Variants in RAB10 observed in about 807,000 individuals in gnomAD.
RAB10 encodes the protein ras-related protein Rab-10.
In RAB10, 5 loss-of-function variants were observed where a neutral mutation model predicts 25.7. The observed-to-expected ratio is 0.19, with a 90% CI of 0.10 to 0.41. The LOEUF (loss-of-function observed/expected upper bound fraction) is 0.41, where lower values mean the gene tolerates loss of function less well. RAB10 is among the 10% of genes least tolerant of loss of function. The probability of loss-of-function intolerance (pLI) is 1.00; values close to 1 mark genes in which losing one functional copy is unlikely to be tolerated. For synonymous variants in RAB10, 89 were observed against 86.4 expected, an observed-to-expected ratio of 1.03 and a Z score of -0.16; for missense variants, 103 against 245.8, an observed-to-expected ratio of 0.42 and a Z score of 3.89.
chr2:26,046,244 G>T (rs1666001194), intron 1 of RAB10, among the ~76,000 whole-genome samples: 1 of 151,906 alleles, frequency 6.6e-6, no homozygotes, highest in African/African-American at 2.4e-5. Context: ...AGAATTGCTT[G>T]AATCTAGGAG....
chr2:26,109,962 A>G (rs1667537496), intron 3 of RAB10, 56 bp downstream of exon 3: 5 of 1,423,906 alleles, frequency 3.5e-6, no homozygotes, highest in Non-Finnish European at 4.7e-6. Context: ...GTGCTTGGTT[A>G]GGAAGAATAA....
intron 3 of RAB10, among the ~76,000 whole-genome samples, chr2:26,115,545 G>C (rs1667665608): frequency 6.6e-6 from 1 of 152,126 alleles, no homozygotes; most frequent in South Asian, 2.1e-4. Flanking sequence ...CATAGAGACA[G>C]AAAGTAGATT....
chr2:26,043,321 C>A (rs1307339294), intron 1 of RAB10, among the ~76,000 whole-genome samples: 1 of 152,146 alleles, frequency 6.6e-6, no homozygotes, highest in Non-Finnish European at 1.5e-5. Context: ...GCTTGGGAGG[C>A]TGAGGTGAGA....
intron 1 of RAB10, among the ~76,000 whole-genome samples, chr2:26,089,877 G>A: frequency 6.6e-6 from 1 of 151,824 alleles, no homozygotes; most frequent in Non-Finnish European, 1.5e-5. Context: ...TTTCTTTTTC[G>A]GACAACTTTT....
At chr2:26,050,038 A>G (rs1181367845) in intron 1 of RAB10, among the ~76,000 whole-genome samples, 2 of 152,166 alleles carry the variant, frequency 1.3e-5, no homozygotes, top group Admixed American at 6.5e-5. Flanking sequence ...TGGTTGCACA[A>G]TTAATGCCTT....
chr2:26,061,942 A>G (rs1666408588), intron 1 of RAB10, among the ~76,000 whole-genome samples: 1 of 152,100 alleles, frequency 6.6e-6, no homozygotes, highest in Non-Finnish European at 1.5e-5. Context: ...CAGGCTAAAC[A>G]TCATATGCTT....
Position 26,105,704 on chromosome 2 carries a change from G to T in RAB10, c.189-4064G>T, listed in dbSNP as rs545114976. ...GTGTAGAATCCTACTTAGTGATTAA[G>T]ATGCAGTCATACAGTGCATAATGAT... On this transcript the variant is annotated intron_variant, in intron 2 of 5. Coordinates refer to ENST00000264710, the MANE Select transcript of RAB10 (RefSeq NM_016131.5). 2.2e-3 allele frequency among the ~76,000 whole-genome samples: 341 copies of T among 152,264 alleles called. 5 individuals carry two copies. The highest frequency in any genetic ancestry group is 3.2e-3 in the Non-Finnish European group (217 of 68,028).
At chr2:26,048,569 G>A (rs150276915) in intron 1 of RAB10, among the ~76,000 whole-genome samples, 1 of 152,314 alleles carries the variant, frequency 6.6e-6, no homozygotes, top group African/African-American at 2.4e-5. Flanking sequence ...TAACTGTTGA[G>A]TTTAGAGAAT....
chr2:26,120,405 C>T (rs972633647), intron 3 of RAB10, among the ~76,000 whole-genome samples: 9 of 152,178 alleles, frequency 5.9e-5, no homozygotes, highest in African/African-American at 1.9e-4. Flanking sequence ...TTGATGTCCC[C>T]GAAGTCCATC....
At chr2:26,035,041 C>A (rs1665734705) in intron 1 of RAB10, among the ~76,000 whole-genome samples, 1 of 152,068 alleles carries the variant, frequency 6.6e-6, no homozygotes, top group Non-Finnish European at 1.5e-5. Flanking sequence ...TCCACATTTG[C>A]GTGGAATTAG....
chr2:26,053,850 G>C (rs1660068279), intron 1 of RAB10, among the ~76,000 whole-genome samples: 1 of 151,780 alleles, frequency 6.6e-6, no homozygotes, highest in African/African-American at 2.4e-5. Flanking sequence ...CTCCTGAGTA[G>C]CTGGGATTAC....
chr2:26,089,139 T>C (rs989925914), intron 1 of RAB10, among the ~76,000 whole-genome samples: 5 of 151,768 alleles, frequency 3.3e-5, no homozygotes, highest in African/African-American at 1.2e-4. Context: ...AGAGTGATGA[T>C]TGAGGCCGGG....
In RAB10 at chr2:26,137,117, C is replaced by T. The variant is rs1225748042; in HGVS notation, c.*2096C>T. 2 of 152,584 alleles carry T rather than the reference C, an allele frequency of 1.3e-5. No individual in the cohort carries two copies. The highest frequency in any genetic ancestry group is 4.8e-5 in the African/African-American group (2 of 41,450). 9.5% of individuals were successfully genotyped at this position (152,584 alleles called of 1,614,324 possible). ...TTTGGATAACAGACTGACAGTTTTGCATAATTATAATCGGCATTGTACATA... is the reference window on the plus strand; with the variant it reads ...TTTGGATAACAGACTGACAGTTTTGTATAATTATAATCGGCATTGTACATA... On this transcript the variant is annotated 3_prime_UTR_variant, in exon 6 of 6. Coordinates refer to ENST00000264710, the MANE Select transcript of RAB10 (RefSeq NM_016131.5).
intron 1 of RAB10, among the ~76,000 whole-genome samples, chr2:26,041,559 AAAAAAAAG>A (rs1190441247): frequency 6.6e-6 from 1 of 150,744 alleles, no homozygotes; most frequent in Middle Eastern, 3.4e-3. Context: ...AAAAAAAAAA[AAAAAAAAG>A]AATGTTAGCT....
At chr2:26,103,720 C>T (rs1667390995) in intron 2 of RAB10, among the ~76,000 whole-genome samples, 5 of 152,118 alleles carry the variant, frequency 3.3e-5, no homozygotes, top group Admixed American at 3.3e-4. Flanking sequence ...TCCAAGGAAA[C>T]CCCATACCTG....
chr2:26,068,701 T>C lies in RAB10; in HGVS notation c.128-29961T>C, dbSNP rs552586000. On this transcript the variant is annotated intron_variant, in intron 1 of 5. Transcript: ENST00000264710. ...TCTTTATCTGTAAATTGGGCGTGTT[T>C]GAGAAATGTGTGCTTAACTTTAATT... Among the ~76,000 whole-genome samples the C allele has an allele frequency of 4.3e-4, 65 of 152,314 alleles. 2 individuals are homozygous for C. In the South Asian group the frequency reaches 0.013, roughly 30 times the overall value.
chr2:26,046,214 A>G (rs1559577393), intron 1 of RAB10, among the ~76,000 whole-genome samples: 1 of 152,060 alleles, frequency 6.6e-6, no homozygotes, highest in East Asian at 1.9e-4. Context: ...AGTCCCAGCT[A>G]CTCGGGAGGC....
chr2:26,065,071 G>A (rs569106522), intron 1 of RAB10, among the ~76,000 whole-genome samples: 8 of 152,228 alleles, frequency 5.3e-5, no homozygotes, highest in African/African-American at 1.9e-4. Flanking sequence ...CTTTAAAAGA[G>A]TGTTTCAGTT....
chr2:26,034,581 G>A lies in RAB10; in HGVS notation c.-28G>A, dbSNP rs1665722034. On this transcript the variant is annotated 5_prime_UTR_variant, in exon 1 of 6. Transcript: ENST00000264710. ...AGGGACCGATCCCTTGGGGCCGCCG[G>A]CGGCGAGAGCCCGAGCCGCTCCTCC... 1 of 1,612,258 alleles carries A rather than the reference G, an allele frequency of 6.2e-7. No individual in the cohort carries two copies.
Sources: allele counts gnomAD v4.1 joint callset (sites outside exome capture counted in the v4.1 genomes callset), GRCh38; gene constraint gnomAD v4.1.1; transcripts MANE v1.5; gene names NCBI Gene and HGNC (gene_info 2026-07-23, HGNC 2026-07-21).